Variants in ZNRF2 observed in about 807,000 individuals in gnomAD.
The protein encoded by ZNRF2 is E3 ubiquitin-protein ligase ZNRF2.
ZNRF2 carries 16 observed loss-of-function variants against 20.4 expected under a neutral mutation model. The ratio of observed to expected loss-of-function variants is 0.79; its 90% CI spans 0.53 to 1.19. The LOEUF (loss-of-function observed/expected upper bound fraction) is 1.19. Among genes scored for constraint, ZNRF2 ranks in the 50% most tolerant of loss-of-function variants. The pLI is 0.00. For synonymous variants in ZNRF2, 178 were observed against 144.9 expected, an observed-to-expected ratio of 1.23 and a Z score of -1.64; for missense variants, 363 against 332.4, an observed-to-expected ratio of 1.09 and a Z score of -0.72.
intron 1 of ZNRF2, among the ~76,000 whole-genome samples, chr7:30,306,598 G>A (rs180828677): frequency 2.0e-5 from 3 of 152,238 alleles, no homozygotes; most frequent in Admixed American, 2.0e-4. Context: ...CACTGCTTTA[G>A]TTGTGTACAT....
intron 1 of ZNRF2, among the ~76,000 whole-genome samples, chr7:30,295,186 G>A (rs1438996309): frequency 6.6e-6 from 1 of 151,286 alleles, no homozygotes; most frequent in African/African-American, 2.4e-5. Flanking sequence ...CCAACTACAT[G>A]CGATCTTTCA....
chr7:30,358,778 G>T (rs1800078269), intron 3 of ZNRF2, among the ~76,000 whole-genome samples: 1 of 152,194 alleles, frequency 6.6e-6, no homozygotes, highest in South Asian at 2.1e-4. Context: ...AGAGTTAAGA[G>T]CATGGACTTT....
chr7:30,364,561 T>C (rs541831165), intron 4 of ZNRF2, among the ~76,000 whole-genome samples: 1 of 152,326 alleles, frequency 6.6e-6, no homozygotes, highest in Admixed American at 6.5e-5. Flanking sequence ...GTATTTTGAA[T>C]ATATGTGCAC....
intron 2 of ZNRF2, among the ~76,000 whole-genome samples, chr7:30,326,799 AT>A (rs533508748): frequency 1.8e-3 from 270 of 150,604 alleles, no homozygotes; most frequent in African/African-American, 2.9e-3. Flanking sequence ...TCCAACATGT[AT>A]TTTTTTTTGA....
intron 2 of ZNRF2, among the ~76,000 whole-genome samples, chr7:30,347,632 G>A (rs146758046): frequency 0.03 from 4,547 of 152,222 alleles, 171 homozygotes; most frequent in African/African-American, 0.089. Context: ...AGAATCGCTT[G>A]AGCCCAGGAG....
intron 1 of ZNRF2, among the ~76,000 whole-genome samples, chr7:30,300,440 C>G (rs1799095633): frequency 6.6e-6 from 1 of 152,192 alleles, no homozygotes; most frequent in Non-Finnish European, 1.5e-5. Context: ...AGCCACCACA[C>G]CCAGCCAGAA....
At chr7:30,292,006 G>A (rs1209645129) in intron 1 of ZNRF2, among the ~76,000 whole-genome samples, 1 of 152,066 alleles carries the variant, frequency 6.6e-6, no homozygotes, top group Non-Finnish European at 1.5e-5. Flanking sequence ...GGAAAAGCAG[G>A]TATAAAAATC....
At chr7:30,328,800 G>C (rs2127948404) in intron 2 of ZNRF2, among the ~76,000 whole-genome samples, 1 of 152,334 alleles carries the variant, frequency 6.6e-6, no homozygotes, top group Admixed American at 6.5e-5. Context: ...GCTCGGCAGA[G>C]ATCCCAATGG....
At chr7:30,350,700 G>A (rs1377912312) in intron 2 of ZNRF2, among the ~76,000 whole-genome samples, 1 of 151,792 alleles carries the variant, frequency 6.6e-6, no homozygotes, top group Non-Finnish European at 1.5e-5. Flanking sequence ...CCAACTTTTT[G>A]TTCTTTGAGT....
intron 4 of ZNRF2, among the ~76,000 whole-genome samples, chr7:30,363,262 A>G (rs1376010236): frequency 6.6e-6 from 1 of 152,176 alleles, no homozygotes; most frequent in African/African-American, 2.4e-5. Flanking sequence ...TAATAATTCT[A>G]ATCATTTAGT....
intron 1 of ZNRF2, among the ~76,000 whole-genome samples, chr7:30,322,350 A>G (rs1799483862): frequency 6.6e-6 from 1 of 152,234 alleles, no homozygotes; most frequent in Non-Finnish European, 1.5e-5. Flanking sequence ...ATTTGGTTGC[A>G]GTGAGTTTCA....
At chr7:30,286,403 A>G (rs1429661746) in intron 1 of ZNRF2, among the ~76,000 whole-genome samples, 1 of 152,198 alleles carries the variant, frequency 6.6e-6, no homozygotes, top group Non-Finnish European at 1.5e-5. Context: ...ACCTCACTAA[A>G]CTGCTACTTA....
Position 30,362,419 on chromosome 7 carries a change from G to C in ZNRF2, c.714G>C (p.Glu238Asp). The C allele has an allele frequency of 6.3e-7, 1 of 1,599,074 alleles. No homozygotes were observed. The highest frequency in any genetic ancestry group is 1.1e-5 in the South Asian group (1 of 88,116). Residue 238 changes from glutamate to aspartate, a missense_variant, in exon 4 of 5, where the codon GAG (glutamate) becomes GAC (aspartate). Physicochemically the swap from Glu to Asp is conservative, Grantham distance 45. Around this residue, in one of 2 missense-constraint regions of ZNRF2, gnomAD observed 61 missense variants for 100.9 expected, o/e 0.60. Coordinates refer to ENST00000323037, the MANE Select transcript of ZNRF2 (RefSeq NM_147128.4). Reference sequence around the variant, plus strand: ...TTGAAGTAAATAGATCTTGCCCTGAGCACCCTTCAGATTAAGCGTCAGCTT... The same window carrying C: ...TTGAAGTAAATAGATCTTGCCCTGACCACCCTTCAGATTAAGCGTCAGCTT... ...EWFEVNRSCP[E>D]HPSD
intron 2 of ZNRF2, among the ~76,000 whole-genome samples, chr7:30,339,365 T>C (rs1799761781): frequency 6.6e-6 from 1 of 152,238 alleles, no homozygotes; most frequent in African/African-American, 2.4e-5. Context: ...TGAATGGTAT[T>C]GCCTAGATTT....
At chr7:30,363,278 C>T (rs1800156566) in intron 4 of ZNRF2, among the ~76,000 whole-genome samples, 1 of 152,182 alleles carries the variant, frequency 6.6e-6, no homozygotes. Context: ...TTAGTATTAT[C>T]ATGTGCCAGG....
chr7:30,331,809 A>C (rs1288816671), intron 2 of ZNRF2, among the ~76,000 whole-genome samples: 1 of 152,198 alleles, frequency 6.6e-6, no homozygotes, highest in Non-Finnish European at 1.5e-5. Context: ...CCCAAAAAAT[A>C]ATATTTTACC....
rs70980598 is a variant in ZNRF2 at position 30,346,170 on chromosome 7, A to ATTTTT, written c.566-9528_566-9524dup. 4.1e-3 allele frequency among the ~76,000 whole-genome samples: 97 copies of ATTTTT among 23,708 alleles called. 11 individuals carry two copies. The highest frequency in any genetic ancestry group is 6.8e-3 in the Non-Finnish European group (69 of 10,198). 15.6% of individuals were successfully genotyped at this position (23,708 alleles called of 152,430 possible). A position where few individuals can be genotyped will look rare whatever the true frequency, so the allele number is the denominator to read the frequency against. ...TGTTTTTTTTTTTCTGTTAAGTCTG[A>ATTTTT]TTTTTTTTTTTTTTTTTTTTTTTTT... On this transcript the variant is annotated intron_variant, in intron 2 of 4. Transcript: ENST00000323037.
intron 1 of ZNRF2, among the ~76,000 whole-genome samples, chr7:30,300,274 A>G (rs564460128): frequency 8.7e-5 from 13 of 149,456 alleles, no homozygotes; most frequent in Non-Finnish European, 1.8e-4. Flanking sequence ...TCAGCCTCCC[A>G]AGTAGCTGGG....
intron 1 of ZNRF2, among the ~76,000 whole-genome samples, chr7:30,293,807 G>A (rs980273925): frequency 7.9e-5 from 12 of 152,062 alleles, no homozygotes; most frequent in Non-Finnish European, 1.5e-4. Flanking sequence ...TTTTAGCGAC[G>A]AAAATATTAG....
Sources: gnomAD v4.1 joint callset for allele counts (sites outside exome capture counted in the v4.1 genomes callset) on GRCh38, gnomAD v4.1.1 for gene constraint, gnomAD v4.1.1 regional missense constraint, MANE v1.5 for transcripts, NCBI Gene and HGNC (gene_info 2026-07-23, HGNC 2026-07-21) for gene names.